The following SCAPER variants were observed in gnomAD, a reference collection of about 807,000 sequenced individuals.
SCAPER encodes the protein S phase cyclin A-associated protein in the endoplasmic reticulum.
SCAPER carries 98 observed loss-of-function variants against 182.2 expected under a neutral mutation model. That is an observed-to-expected ratio of 0.54 (90% CI 0.46 to 0.64). The LOEUF is 0.64. Among genes scored for constraint, SCAPER ranks in the 30% least tolerant of loss-of-function variants. The pLI, the probability that SCAPER is intolerant of heterozygous loss-of-function variation, is 0.00. For synonymous variants in SCAPER, 605 were observed against 564.6 expected, an observed-to-expected ratio of 1.07 and a Z score of -1.01; for missense variants, 1,432 against 1,690.0, an observed-to-expected ratio of 0.85 and a Z score of 2.68.
chr15:76,401,539 T>C (rs914392976), intron 27 of SCAPER, among the ~76,000 whole-genome samples: 1 of 152,206 alleles, frequency 6.6e-6, no homozygotes, highest in Non-Finnish European at 1.5e-5. Flanking sequence ...AATTTGATCC[T>C]GTCCTCCCTC....
At chr15:76,865,874 T>C (rs1448545020) in intron 2 of SCAPER, among the ~76,000 whole-genome samples, 2 of 152,172 alleles carry the variant, frequency 1.3e-5, no homozygotes, top group Non-Finnish European at 2.9e-5. Context: ...TGAATATCCA[T>C]GTGTCATCTA....
intron 30 of SCAPER, among the ~76,000 whole-genome samples, chr15:76,353,471 T>C (rs2040737829): frequency 6.6e-6 from 1 of 152,238 alleles, no homozygotes. Flanking sequence ...TATAAGGCTG[T>C]ACTTAAAAGT....
chr15:76,497,124 T>TTTTTCTTTTC (rs1555456895), intron 24 of SCAPER, among the ~76,000 whole-genome samples: 1 of 139,426 alleles, frequency 7.2e-6, no homozygotes, highest in African/African-American at 2.8e-5. Context: ...TTTTTTTTTT[T>TTTTTCTTTTC]CCCAAAACGG....
chr15:76,754,489 G>T (rs1305859605), intron 14 of SCAPER, among the ~76,000 whole-genome samples: 2 of 151,888 alleles, frequency 1.3e-5, no homozygotes, highest in African/African-American at 4.8e-5. Flanking sequence ...AACAGAGAGG[G>T]TTTCACCTAC....
At chr15:76,731,394 A>G (rs1231393093) in intron 16 of SCAPER, among the ~76,000 whole-genome samples, 1 of 152,244 alleles carries the variant, frequency 6.6e-6, no homozygotes, top group African/African-American at 2.4e-5. Context: ...ATTAATCAAT[A>G]AAGAATATAC....
chr15:76,513,197 C>T (rs1009382196), intron 23 of SCAPER, among the ~76,000 whole-genome samples: 3 of 152,106 alleles, frequency 2.0e-5, no homozygotes, highest in Non-Finnish European at 4.4e-5. Flanking sequence ...ATGGTAAATA[C>T]CTGATAGATT....
intron 20 of SCAPER, among the ~76,000 whole-genome samples, chr15:76,679,621 GA>G (rs1355475879): frequency 6.6e-6 from 1 of 152,126 alleles, no homozygotes; most frequent in Non-Finnish European, 1.5e-5. Context: ...TAAAGTGACA[GA>G]TGAGAAAAAT....
intron 24 of SCAPER, among the ~76,000 whole-genome samples, chr15:76,504,154 C>T (rs1328663598): frequency 1.3e-5 from 2 of 152,128 alleles, no homozygotes; most frequent in East Asian, 1.9e-4. Context: ...TCCCAAAGTG[C>T]TGGGATCATA....
intron 23 of SCAPER, among the ~76,000 whole-genome samples, chr15:76,550,279 G>C (rs1249050481): frequency 6.6e-6 from 1 of 152,134 alleles, no homozygotes; most frequent in Non-Finnish European, 1.5e-5. Flanking sequence ...GTGGTTTGCT[G>C]TACCTGTCAA....
chr15:76,532,930 T>A (rs2043802129), intron 23 of SCAPER, among the ~76,000 whole-genome samples: 2 of 152,178 alleles, frequency 1.3e-5, no homozygotes, highest in Admixed American at 1.3e-4. Context: ...AATTTAACAC[T>A]TATTTAGCCC....
intron 22 of SCAPER, among the ~76,000 whole-genome samples, chr15:76,615,223 T>C (rs748283750): frequency 2.0e-5 from 3 of 151,714 alleles, no homozygotes; most frequent in African/African-American, 4.8e-5. Context: ...GGGGGGCGGA[T>C]TGCTTGAGCC....
chr15:76,754,552 C>T (rs1338144104), intron 14 of SCAPER, among the ~76,000 whole-genome samples: 1 of 151,802 alleles, frequency 6.6e-6, no homozygotes, highest in Non-Finnish European at 1.5e-5. Context: ...AGAAATTAAC[C>T]CTTAAAACTT....
intron 15 of SCAPER, among the ~76,000 whole-genome samples, chr15:76,739,100 A>C (rs999410981): frequency 6.6e-6 from 1 of 152,172 alleles, no homozygotes; most frequent in African/African-American, 2.4e-5. Context: ...TCTAGAGGTG[A>C]TTTAAAGTAT....
intron 21 of SCAPER, among the ~76,000 whole-genome samples, chr15:76,646,897 T>C (rs2054594262): frequency 6.6e-6 from 1 of 152,216 alleles, no homozygotes. Flanking sequence ...TTTTAATTCA[T>C]CTTGAGTCAG....
chr15:76,637,155 A>T (rs2053671630), intron 21 of SCAPER, among the ~76,000 whole-genome samples: 1 of 152,124 alleles, frequency 6.6e-6, no homozygotes, highest in Non-Finnish European at 1.5e-5. Flanking sequence ...GTAGCCATTT[A>T]CAGTCAATCC....
chr15:76,561,722 T>C (rs1282179644), intron 23 of SCAPER, among the ~76,000 whole-genome samples: 1 of 152,084 alleles, frequency 6.6e-6, no homozygotes, highest in African/African-American at 2.4e-5. Flanking sequence ...CTCACTTTTT[T>C]TTTTTAGACG....
chr15:76,900,626 G>A (rs978807458), intron 1 of SCAPER, among the ~76,000 whole-genome samples: 2 of 152,136 alleles, frequency 1.3e-5, no homozygotes, highest in East Asian at 1.9e-4. Flanking sequence ...CTGCAATCCC[G>A]GAATATCTGT....
intron 16 of SCAPER, among the ~76,000 whole-genome samples, chr15:76,728,941 A>G (rs2060747240): frequency 6.6e-6 from 1 of 152,236 alleles, no homozygotes; most frequent in African/African-American, 2.4e-5. Context: ...AGTGTTACAC[A>G]TAATTCAGTA....
intron 4 of SCAPER, 22 bp downstream of exon 4, chr15:76,857,786 TA>T (rs1284461446): frequency 7.0e-6 from 10 of 1,419,948 alleles, no homozygotes; most frequent in Middle Eastern, 4.7e-4. Context: ...AGTAAATAAG[TA>T]AAAAAGTTAT....
Sources: gnomAD v4.1 joint callset for allele counts (sites outside exome capture counted in the v4.1 genomes callset) on GRCh38, gnomAD v4.1.1 for gene constraint, MANE v1.5 for transcripts, NCBI Gene and HGNC (gene_info 2026-07-23, HGNC 2026-07-21) for gene names.